Variants in PCDH11X observed in about 807,000 individuals in gnomAD.
The protein encoded by PCDH11X is protocadherin 11 X-linked, also known as protocadherin-11 X-linked.
PCDH11X carries 18 observed loss-of-function variants against 53.3 expected under a neutral mutation model. That is an observed-to-expected ratio of 0.34 (90% CI 0.23 to 0.50). The LOEUF (loss-of-function observed/expected upper bound fraction) is 0.50. Ranked by LOEUF, PCDH11X falls within the 20% of genes least tolerant of loss-of-function variation. The probability of loss-of-function intolerance (pLI) is 0.98; values close to 1 mark genes in which losing one functional copy is unlikely to be tolerated. For synonymous variants in PCDH11X, 279 were observed against 393.3 expected, an observed-to-expected ratio of 0.71 and a Z score of 3.44; for missense variants, 570 against 1,032.4, an observed-to-expected ratio of 0.55 and a Z score of 6.14.
At chrX:92,589,288 C>T (rs138363227) in intron 10 of PCDH11X, among the ~76,000 whole-genome samples, 275 of 111,232 alleles carry the variant, frequency 2.5e-3, no homozygotes, top group African/African-American at 7.5e-3. Flanking sequence ...CACAGAAAAC[C>T]GGCATATTAT....
At chrX:92,027,432 A>G (rs2062984851) in intron 6 of PCDH11X, among the ~76,000 whole-genome samples, 1 of 111,423 alleles carries the variant, frequency 9.0e-6, no homozygotes, top group Admixed American at 9.6e-5. Flanking sequence ...ATTGTTTCTT[A>G]ACTGAAGGAT....
chrX:91,832,017 G>T (rs1937124359), intron 4 of PCDH11X, among the ~76,000 whole-genome samples: 1 of 110,603 alleles, frequency 9.0e-6, no homozygotes, highest in Admixed American at 9.8e-5. Context: ...ACCACTGAAT[G>T]AATTTCCAGT....
chrX:92,346,089 A>T (rs1324678179), intron 8 of PCDH11X, among the ~76,000 whole-genome samples: 2 of 110,619 alleles, frequency 1.8e-5, no homozygotes, highest in African/African-American at 3.3e-5. Flanking sequence ...TATAGATGGG[A>T]CGCTTGCATG....
chrX:92,054,820 CAAAA>C (rs1174448342), intron 6 of PCDH11X, among the ~76,000 whole-genome samples: 1,643 of 25,157 alleles, frequency 0.065, 23 homozygotes, highest in African/African-American at 0.17. Flanking sequence ...AACTCTGTCT[CAAAA>C]AAAAAAAAAA....
chrX:92,258,000 G>T (rs1297301421), intron 7 of PCDH11X, among the ~76,000 whole-genome samples: 1 of 112,352 alleles, frequency 8.9e-6, no homozygotes, highest in African/African-American at 3.2e-5. Flanking sequence ...TGGAAATCCA[G>T]GCTTTTCCAT....
intron 6 of PCDH11X, among the ~76,000 whole-genome samples, chrX:91,988,958 A>G (rs1384986485): frequency 9.0e-6 from 1 of 111,364 alleles, no homozygotes; most frequent in Non-Finnish European, 1.9e-5. Context: ...GGCTGAAGGA[A>G]CCCTAAATTG....
At chrX:92,544,486 T>C (rs1229903513) in intron 10 of PCDH11X, among the ~76,000 whole-genome samples, 3 of 109,901 alleles carry the variant, frequency 2.7e-5, no homozygotes, top group Non-Finnish European at 5.7e-5. Context: ...TTAGATGTAG[T>C]TAGCCATTGA....
chrX:91,963,910 T>C (rs769586037), intron 6 of PCDH11X, among the ~76,000 whole-genome samples: 1 of 109,689 alleles, frequency 9.1e-6, no homozygotes, highest in Non-Finnish European at 1.9e-5. Context: ...AACCATCAGA[T>C]CTTGTGAGAA....
intron 8 of PCDH11X, among the ~76,000 whole-genome samples, chrX:92,281,147 A>G (rs1474090768): frequency 1.8e-5 from 2 of 111,523 alleles, no homozygotes; most frequent in Non-Finnish European, 3.8e-5. Flanking sequence ...TCTGGGCATC[A>G]TCATCCTGCT....
intron 6 of PCDH11X, chrX:92,113,174 C>G: frequency 9.4e-7 from 1 of 1,061,955 alleles, no homozygotes; most frequent in Non-Finnish European, 1.2e-6. Flanking sequence ...CCCTTCCTTC[C>G]CCTCTCCTGC....
intron 6 of PCDH11X, among the ~76,000 whole-genome samples, chrX:92,023,415 A>C (rs1409405300): frequency 9.1e-6 from 1 of 110,094 alleles, no homozygotes; most frequent in Non-Finnish European, 1.9e-5. Flanking sequence ...CAAACCGAGA[A>C]GAAATGGATA....
intron 6 of PCDH11X, among the ~76,000 whole-genome samples, chrX:92,119,331 T>A (rs1341665117): frequency 9.0e-6 from 1 of 110,974 alleles, no homozygotes; most frequent in Non-Finnish European, 1.9e-5. Context: ...GGTCTCCAAC[T>A]CCTGGGCTCA....
chrX:92,562,925 T>C (rs2075154106), intron 10 of PCDH11X, among the ~76,000 whole-genome samples: 1 of 109,951 alleles, frequency 9.1e-6, no homozygotes, highest in African/African-American at 3.3e-5. Flanking sequence ...TTTCAAACAT[T>C]CCCTCATCTT....
chrX:92,091,181 G>C lies in PCDH11X; in HGVS notation c.3034-110194G>C, dbSNP rs1383761829. Among the ~76,000 whole-genome samples, 7 of 111,406 alleles carry C rather than the reference G, an allele frequency of 6.3e-5. No individual in the cohort carries two copies. The Admixed American group carries it at 6.7e-4, about 11-fold the overall frequency. ...TTCTTCCTTTCTTTTATGATTTATA[G>C]TTCTTGAAACAGGAAGTCAGTTTAG... On this transcript the variant is annotated intron_variant, in intron 6 of 10. Coordinates refer to ENST00000682573, the MANE Select transcript of PCDH11X (RefSeq NM_032968.5).
intron 6 of PCDH11X, among the ~76,000 whole-genome samples, chrX:92,100,430 T>C (rs776328594): frequency 0.022 from 2,407 of 107,768 alleles, 69 homozygotes; most frequent in African/African-American, 0.078. Flanking sequence ...CTCTGGCGGG[T>C]AGGAGTGGGG....
chrX:92,190,026 A>ATG (rs1293083430), intron 6 of PCDH11X, among the ~76,000 whole-genome samples: 3 of 111,837 alleles, frequency 2.7e-5, no homozygotes, highest in Non-Finnish European at 5.6e-5. Flanking sequence ...GTTCACTCTG[A>ATG]TGATAGTTTC....
chrX:92,200,823 G>A (rs1228670087), intron 6 of PCDH11X, among the ~76,000 whole-genome samples: 2 of 112,142 alleles, frequency 1.8e-5, no homozygotes, highest in Non-Finnish European at 3.8e-5. Context: ...GGTTGCAAAA[G>A]CATTGGACAG....
intron 5 of PCDH11X, among the ~76,000 whole-genome samples, chrX:91,837,945 G>T (rs1483013953): frequency 6.3e-5 from 7 of 111,297 alleles, no homozygotes; most frequent in Non-Finnish European, 9.4e-5. Context: ...CTATCATACT[G>T]CACAGCACAG....
At position 92,338,442 on chromosome X, in the gene PCDH11X, C is replaced by T. The variant is rs141806344; in HGVS notation, c.3145-49293C>T. 3.2e-3 allele frequency among the ~76,000 whole-genome samples: 350 copies of T among 110,651 alleles called. 1 individual carries two copies. Among genetic ancestry groups the T allele is most frequent in the African/African-American group, 0.011 (326 of 30,463 alleles). ...AGACAAGGCTATATAAAAACAAGTACAAGCACATAATCCAATTCATGAGAT... is the reference window on the plus strand; with the variant it reads ...AGACAAGGCTATATAAAAACAAGTATAAGCACATAATCCAATTCATGAGAT... On this transcript the variant is annotated intron_variant, in intron 8 of 10. Transcript: ENST00000682573.
Sources: allele counts gnomAD v4.1 joint callset (sites outside exome capture counted in the v4.1 genomes callset), GRCh38; gene constraint gnomAD v4.1.1; transcripts MANE v1.5; gene names NCBI Gene and HGNC (gene_info 2026-07-23, HGNC 2026-07-21).